SLC16A7: variants seen among roughly 807,000 people sequenced by gnomAD.
SLC16A7 encodes the protein solute carrier family 16 member 7.
In SLC16A7, 33 loss-of-function variants were observed where a neutral mutation model predicts 34.9. The observed-to-expected ratio is 0.94, with a 90% CI of 0.72 to 1.26. The LOEUF is 1.26. SLC16A7 is among the 50% of genes most tolerant of loss of function. The pLI is 0.00. For missense variants in SLC16A7, 573 were observed against 578.1 expected, an observed-to-expected ratio of 0.99 and a Z score of 0.09; for synonymous variants, 201 against 206.6, an observed-to-expected ratio of 0.97 and a Z score of 0.23.
intron 3 of SLC16A7, among the ~76,000 whole-genome samples, chr12:59,711,137 A>C (rs1050242174): frequency 2.6e-5 from 4 of 152,188 alleles, no homozygotes; most frequent in Non-Finnish European, 4.4e-5. Context: ...CCCTGCAGGC[A>C]GTGGGTGAAT....
At chr12:59,710,299 GT>G (rs1418895422) in intron 3 of SLC16A7, among the ~76,000 whole-genome samples, 2 of 152,176 alleles carry the variant, frequency 1.3e-5, no homozygotes, top group African/African-American at 2.4e-5. Flanking sequence ...TGAAAAAGAA[GT>G]TGTGAGTGGA....
chr12:59,624,212 AT>A (rs908889548), intron 1 of SLC16A7, among the ~76,000 whole-genome samples: 158 of 151,428 alleles, frequency 1.0e-3, no homozygotes, highest in Non-Finnish European at 1.8e-3. Context: ...CCATAGTCTC[AT>A]TTTTTTTACT....
chr12:59,696,575 G>A (rs1236950584), intron 2 of SLC16A7: 1 of 151,966 alleles, frequency 6.6e-6, no homozygotes, highest in Non-Finnish European at 1.5e-5. Flanking sequence ...TACAAGCTGT[G>A]CTTGTTAAAA....
At position 59,787,576 on chromosome 12, in the gene SLC16A7, G is replaced by A. The variant is rs1883712641; in HGVS notation, c.*7897G>A. ...AAAGATCTGTGGTGAAGGGGAAGAG[G>A]GGTTGCTATTAGGAGTTTTCCCGGT... On this transcript the variant is annotated 3_prime_UTR_variant, in exon 6 of 6. Coordinates refer to ENST00000547379, the MANE Select transcript of SLC16A7 (RefSeq NM_001270623.2). 6.6e-6 allele frequency: 1 copy of A among 152,102 alleles called. No homozygotes were observed. Among genetic ancestry groups the A allele is most frequent in the African/African-American group, 2.4e-5 (1 of 41,416 alleles). The allele number at this position is 152,102 out of a possible 1,614,324, so 9.4% of individuals were successfully genotyped here.
At chr12:59,725,367 G>T (rs1176443690) in intron 3 of SLC16A7, among the ~76,000 whole-genome samples, 2 of 152,034 alleles carry the variant, frequency 1.3e-5, no homozygotes, top group Non-Finnish European at 2.9e-5. Context: ...ATGCCATTCA[G>T]GGAGTGTCAG....
intron 3 of SLC16A7, among the ~76,000 whole-genome samples, chr12:59,728,138 C>T (rs1278511897): frequency 6.6e-6 from 1 of 152,060 alleles, no homozygotes; most frequent in Non-Finnish European, 1.5e-5. Flanking sequence ...AATTATAAAG[C>T]AGAGTATTAC....
chr12:59,697,597 C>A (rs1408125076), intron 2 of SLC16A7, among the ~76,000 whole-genome samples: 2 of 151,604 alleles, frequency 1.3e-5, no homozygotes, highest in Non-Finnish European at 3.0e-5. Context: ...GCAAATATTC[C>A]TTTCCTTTAC....
intron 2 of SLC16A7, among the ~76,000 whole-genome samples, chr12:59,697,567 C>A (rs1388702995): frequency 6.6e-6 from 1 of 151,852 alleles, no homozygotes; most frequent in African/African-American, 2.4e-5. Context: ...CTTGTATATA[C>A]TGTAGTCAAG....
chr12:59,648,422 A>C (rs17122781), intron 1 of SLC16A7, among the ~76,000 whole-genome samples: 7,498 of 152,226 alleles, frequency 0.049, 223 homozygotes, highest in Middle Eastern at 0.11. Context: ...AGTACATATG[A>C]TATGTTAGTA....
intron 1 of SLC16A7, among the ~76,000 whole-genome samples, chr12:59,602,956 T>C (rs536621802): frequency 6.6e-6 from 1 of 152,352 alleles, no homozygotes; most frequent in African/African-American, 2.4e-5. Flanking sequence ...TTCTCTTTAC[T>C]GTGCTTTTGA....
intron 3 of SLC16A7, among the ~76,000 whole-genome samples, chr12:59,737,825 A>C (rs1332947336): frequency 6.6e-6 from 1 of 152,106 alleles, no homozygotes; most frequent in Non-Finnish European, 1.5e-5. Flanking sequence ...GTCAACTCTT[A>C]TACCAACCCA....
intron 1 of SLC16A7, among the ~76,000 whole-genome samples, chr12:59,654,365 A>G (rs1868427098): frequency 6.6e-6 from 1 of 151,658 alleles, no homozygotes; most frequent in Admixed American, 6.6e-5. Flanking sequence ...GCCAAACACT[A>G]TATGTATTGA....
intron 3 of SLC16A7, among the ~76,000 whole-genome samples, chr12:59,724,428 A>G (rs1169875837): frequency 6.6e-6 from 1 of 152,044 alleles, no homozygotes; most frequent in African/African-American, 2.4e-5. Context: ...ATAATAAAAA[A>G]GAATGATAAT....
At chr12:59,668,912 T>C (rs1282636857) in intron 2 of SLC16A7, among the ~76,000 whole-genome samples, 1 of 151,820 alleles carries the variant, frequency 6.6e-6, no homozygotes, top group African/African-American at 2.4e-5. Context: ...TAAAGGGGAG[T>C]TCCCCTTCAT....
intron 2 of SLC16A7, among the ~76,000 whole-genome samples, chr12:59,699,122 T>C (rs1301915682): frequency 6.6e-6 from 1 of 151,634 alleles, no homozygotes; most frequent in Non-Finnish European, 1.5e-5. Flanking sequence ...AATTTTAAAT[T>C]ACTAATTAGT....
chr12:59,741,678 C>G (rs1878363543), intron 3 of SLC16A7, among the ~76,000 whole-genome samples: 1 of 152,166 alleles, frequency 6.6e-6, no homozygotes, highest in South Asian at 2.1e-4. Flanking sequence ...GAAGAAAATT[C>G]ACGGGAATCT....
At chr12:59,755,231 C>T (rs1319641519) in intron 3 of SLC16A7, among the ~76,000 whole-genome samples, 2 of 152,090 alleles carry the variant, frequency 1.3e-5, no homozygotes, top group African/African-American at 4.8e-5. Context: ...TCCTATTCAA[C>T]ATAGTGTTGG....
chr12:59,638,640 A>G (rs917883993), intron 1 of SLC16A7, among the ~76,000 whole-genome samples: 2 of 152,142 alleles, frequency 1.3e-5, no homozygotes, highest in Non-Finnish European at 2.9e-5. Context: ...ATAATTTTCT[A>G]GGAAAAGGTT....
intron 1 of SLC16A7, among the ~76,000 whole-genome samples, chr12:59,650,685 G>A (rs1019004168): frequency 6.6e-6 from 1 of 152,112 alleles, no homozygotes; most frequent in Non-Finnish European, 1.5e-5. Context: ...CCCAGGAATG[G>A]ATCTGCTTTG....
Sources: allele counts gnomAD v4.1 joint callset (sites outside exome capture counted in the v4.1 genomes callset), GRCh38; gene constraint gnomAD v4.1.1; transcripts MANE v1.5; gene names NCBI Gene and HGNC (gene_info 2026-07-23, HGNC 2026-07-21).